Variants in PTER observed in about 807,000 individuals in gnomAD.
The protein encoded by PTER is phosphotriesterase related, also known as N-acetyltaurine hydrolase.
A neutral mutation model predicts 29.6 loss-of-function variants in PTER; 38 were observed. The ratio of observed to expected loss-of-function variants is 1.28; its 90% confidence interval spans 0.99 to 1.68. PTER has a LOEUF of 1.68. PTER is among the 40% of genes most tolerant of loss of function. The pLI is 0.00. For missense variants in PTER, 482 were observed against 427.8 expected (o/e 1.13, Z -1.12); for synonymous variants, 172 against 154.5 (o/e 1.11, Z -0.84).
At chr10:16,514,122 A>G (rs968977451), downstream of PTER, 5 of 394,710 alleles carry the variant, frequency 1.3e-5, no homozygotes, top group African/African-American at 8.2e-5. Flanking sequence ...ATGGACTCCA[A>G]GTATCATAAT....
At chr10:16,487,883 C>A (rs1311779941) in intron 3 of PTER, among the ~76,000 whole-genome samples, 1 of 152,088 alleles carries the variant, frequency 6.6e-6, no homozygotes, top group African/African-American at 2.4e-5. Context: ...AACTAACAGT[C>A]CTGCAAAATG....
chr10:16,464,892 G>C (rs1018239477), intron 1 of PTER, among the ~76,000 whole-genome samples: 5 of 152,156 alleles, frequency 3.3e-5, no homozygotes, highest in Non-Finnish European at 5.9e-5. Context: ...GGCTGGGGAG[G>C]CCTCACAATC....
chr10:16,437,200 G>A (rs899447601), intron 1 of PTER, among the ~76,000 whole-genome samples, 153 bp downstream of exon 1: 2 of 152,198 alleles, frequency 1.3e-5, no homozygotes, highest in African/African-American at 4.8e-5. Flanking sequence ...CTGCGCTTGG[G>A]CCCTGCCGCC....
chr10:16,468,933 C>G (rs990161039), intron 1 of PTER, among the ~76,000 whole-genome samples: 1 of 151,974 alleles, frequency 6.6e-6, no homozygotes, highest in Non-Finnish European at 1.5e-5. Context: ...TACGATCATA[C>G]CCCTGTACCC....
intron 1 of PTER, among the ~76,000 whole-genome samples, chr10:16,466,203 A>G (rs1402970936): frequency 6.6e-6 from 1 of 152,140 alleles, no homozygotes; most frequent in Non-Finnish European, 1.5e-5. Context: ...GTGTCCAGGC[A>G]GGCAGCAGAC....
intron 3 of PTER, among the ~76,000 whole-genome samples, chr10:16,493,009 T>G (rs1588622172): frequency 6.6e-6 from 1 of 152,124 alleles, no homozygotes; most frequent in African/African-American, 2.4e-5. Context: ...AATAAGAGAG[T>G]GGGATATCAC....
rs1588620995 is a variant in PTER at position 16,491,311 on chromosome 10, G to A, written c.698+4694G>A. On this transcript the variant is annotated intron_variant, in intron 3 of 4. Coordinates refer to ENST00000535784, the MANE Select transcript of PTER (RefSeq NM_001261836.2). ...AGCAGTGCATTCGGAAAAACATACC[G>A]AATAAAGTAACAGAAAAAAATAATC... 3.3e-5 allele frequency among the ~76,000 whole-genome samples: 5 copies of A among 152,094 alleles called. No homozygotes were observed. In the South Asian group the frequency reaches 6.2e-4, roughly 19 times the overall value.
rs1009129019 is a variant in PTER, at chr10:16,478,335, G to T, written c.-48-6002G>T. Among the ~76,000 whole-genome samples the T allele has an allele frequency of 1.2e-3, 162 of 140,228 alleles. 1 individual carries two copies. Among genetic ancestry groups the T allele is most frequent in the African/African-American group, 3.7e-3 (142 of 37,976 alleles). 92.0% of individuals were successfully genotyped at this position (140,228 alleles called of 152,430 possible). A position where few individuals can be genotyped will look rare whatever the true frequency, so the allele number is the denominator to read the frequency against. ...CTCTCCCTTTTCCTCCCTCGTTTCC[G>T]TTTTTTTTTTTTTTGGAGTTGGAGT... On this transcript the variant is annotated intron_variant, in intron 1 of 4. Coordinates refer to ENST00000535784, the MANE Select transcript of PTER (RefSeq NM_001261836.2).
intron 1 of PTER, among the ~76,000 whole-genome samples, chr10:16,446,566 A>T (rs979305179): frequency 6.6e-6 from 1 of 151,922 alleles, no homozygotes; most frequent in Admixed American, 6.6e-5. Context: ...CTCCATGAAG[A>T]CTCTACATAG....
downstream of PTER, among the ~76,000 whole-genome samples, chr10:16,515,783 T>A (rs1441989432): frequency 6.6e-6 from 1 of 152,164 alleles, no homozygotes; most frequent in African/African-American, 2.4e-5. Context: ...GTAAAACATC[T>A]TCTACTTTGT....
chr10:16,468,432 C>G (rs896628630), intron 1 of PTER, among the ~76,000 whole-genome samples: 1 of 150,926 alleles, frequency 6.6e-6, no homozygotes, highest in Non-Finnish European at 1.5e-5. Flanking sequence ...TTGTTCTTTT[C>G]TAGTGCTAAT....
intron 3 of PTER, among the ~76,000 whole-genome samples, chr10:16,491,297 C>T (rs1418778634): frequency 1.3e-5 from 2 of 152,070 alleles, no homozygotes; most frequent in South Asian, 2.1e-4. Context: ...GCAGTGCATT[C>T]GGAAAAACAT....
chr10:16,510,005 T>C (rs1411733381), intron 4 of PTER, among the ~76,000 whole-genome samples: 3 of 152,086 alleles, frequency 2.0e-5, no homozygotes, highest in Non-Finnish European at 4.4e-5. Flanking sequence ...CACCAAGAAA[T>C]GCTTTTGAAA....
intron 1 of PTER, among the ~76,000 whole-genome samples, chr10:16,453,728 T>C (rs994120011): frequency 1.3e-5 from 2 of 152,230 alleles, no homozygotes; most frequent in African/African-American, 4.8e-5. Context: ...AAGATATCAA[T>C]GGTTTTCACA....
At chr10:16,504,922 G>A (rs1588631534) in intron 3 of PTER, 98 bp from the exon 4 acceptor site, 1 of 1,380,330 alleles carries the variant, frequency 7.2e-7, no homozygotes, top group East Asian at 2.3e-5. Flanking sequence ...CTTCAACTAT[G>A]TTCTTGTTCT....
chr10:16,459,857 C>G (rs1180634055), intron 1 of PTER, among the ~76,000 whole-genome samples: 2 of 152,188 alleles, frequency 1.3e-5, no homozygotes, highest in Admixed American at 6.5e-5. Flanking sequence ...AACCGAGTCT[C>G]CTGCCTCAGC....
chr10:16,468,848 A>G (rs888767828), intron 1 of PTER, among the ~76,000 whole-genome samples: 3 of 151,964 alleles, frequency 2.0e-5, no homozygotes, highest in African/African-American at 7.3e-5. Context: ...GGCAACGTGC[A>G]CTTGTAGTCC....
At chr10:16,505,697 T>A (rs1836533840) in intron 4 of PTER, among the ~76,000 whole-genome samples, 2 of 152,254 alleles carry the variant, frequency 1.3e-5, no homozygotes. Flanking sequence ...GTAGGAGTCA[T>A]TCTTTGTAAT....
rs563225901 is a variant in PTER at position 16,498,879 on chromosome 10, G to A, written c.699-6141G>A. Among the ~76,000 whole-genome samples, 5 of 152,334 alleles carry A rather than the reference G, an allele frequency of 3.3e-5. No individual in the cohort carries two copies. In the East Asian group the frequency reaches 9.7e-4, roughly 29 times the overall value. On this transcript the variant is annotated intron_variant, in intron 3 of 4. Transcript: ENST00000535784. ...GTCCCTGGAAGCCATCCAGCTGAAT[G>A]TCAATTTCACATGGGTAAGTCACCT...
Sources: allele counts gnomAD v4.1 joint callset (sites outside exome capture counted in the v4.1 genomes callset), GRCh38; gene constraint gnomAD v4.1.1; transcripts MANE v1.5; gene names NCBI Gene and HGNC (gene_info 2026-07-23, HGNC 2026-07-21).